TOPAZ1: variants seen among roughly 807,000 people sequenced by gnomAD.
The protein encoded by TOPAZ1 is protein TOPAZ1.
Under a neutral mutation model 172.2 loss-of-function variants are expected in TOPAZ1, and 66 were observed. The ratio of observed to expected loss-of-function variants is 0.38; its 90% CI spans 0.31 to 0.47. The LOEUF (loss-of-function observed/expected upper bound fraction) is 0.47. TOPAZ1 is among the 20% of genes least tolerant of loss of function. TOPAZ1 has a pLI of 0.99. For missense variants in TOPAZ1, 1,822 were observed against 1,972.4 expected, an observed-to-expected ratio of 0.92 and a Z score of 1.44; for synonymous variants, 681 against 683.9, an observed-to-expected ratio of 1.00 and a Z score of 0.07.
In TOPAZ1 at chr3:44,247,861, G is replaced by A. The variant is rs778412245; in HGVS notation, c.2765+2590G>A. 1.4e-4 allele frequency among the ~76,000 whole-genome samples: 21 copies of A among 152,174 alleles called. 1 individual carries two copies. The highest frequency in any genetic ancestry group is 2.9e-5 in the Non-Finnish European group (2 of 68,046). Reference sequence around the variant, plus strand: ...AGACAGGGTTTCACCATGTTGGCCAGGCTGGTCTCCAACTCCTGATGTCAA... The same window carrying A: ...AGACAGGGTTTCACCATGTTGGCCAAGCTGGTCTCCAACTCCTGATGTCAA... On this transcript the variant is annotated intron_variant, in intron 2 of 19. Coordinates refer to ENST00000309765, the MANE Select transcript of TOPAZ1 (RefSeq NM_001145030.2).
chr3:44,244,488 G>A lies in TOPAZ1; in HGVS notation c.1982G>A (p.Arg661Gln), dbSNP rs900864389. ...ANNSAGKTIH[R>Q]KACIAQQTFI... ...AACTCTGCAGGCAAAACTATTCATC[G>A]AAAAGCATGCATTGCTCAACAAACA... Residue 661 changes from arginine to glutamine, a missense_variant, in exon 2 of 20, where the codon CGA becomes CAA. By Grantham distance (43) the Arg-to-Gln change is conservative. Coordinates refer to ENST00000309765, the MANE Select transcript of TOPAZ1 (RefSeq NM_001145030.2). 42 of 1,551,514 alleles carry A rather than the reference G, an allele frequency of 2.7e-5. No individual in the cohort carries two copies. The highest frequency in any genetic ancestry group is 1.7e-4 in the Middle Eastern group (1 of 6,012).
At chr3:44,291,469 C>T (rs181751140) in intron 12 of TOPAZ1, among the ~76,000 whole-genome samples, 13 of 151,846 alleles carry the variant, frequency 8.6e-5, no homozygotes, top group East Asian at 1.9e-4. Context: ...AGCATGGTAG[C>T]GCGTGCCTGT....
chr3:44,312,258 G>A (rs1396405944), intron 16 of TOPAZ1, among the ~76,000 whole-genome samples: 1 of 148,776 alleles, frequency 6.7e-6, no homozygotes, highest in Admixed American at 6.7e-5. Context: ...ACACAGGAAT[G>A]TACAGAGCAG....
chr3:44,249,551 A>C (rs1241448804), intron 2 of TOPAZ1, among the ~76,000 whole-genome samples: 1 of 152,128 alleles, frequency 6.6e-6, no homozygotes, highest in Non-Finnish European at 1.5e-5. Flanking sequence ...TTCCCATAGC[A>C]CCTTATGCTA....
At chr3:44,325,761 A>T (rs1700593616) in intron 18 of TOPAZ1, among the ~76,000 whole-genome samples, 1 of 151,694 alleles carries the variant, frequency 6.6e-6, no homozygotes, top group South Asian at 2.1e-4. Flanking sequence ...CTCCTGCCTC[A>T]GCCTCCTGAG....
Position 44,262,452 on chromosome 3 carries a change from G to A in TOPAZ1, c.2989G>A (p.Glu997Lys). Reference sequence around the variant, plus strand: ...TACAGACAAAGTGATTACCAAAGAAGAAAAAGAAAATATTTATGAAGTTTG... The same window carrying A: ...TACAGACAAAGTGATTACCAAAGAAAAAAAAGAAAATATTTATGAAGTTTG... ...RFTDKVITKE[E>K]KENIYEVCKS... The change falls in exon 5 of 20, where the codon GAA becomes AAA. Residue 997 changes from glutamate (E) to lysine (K), a missense_variant. Transcript: ENST00000309765. The A allele has an allele frequency of 6.7e-7, 1 of 1,485,972 alleles. No individual in the cohort carries two copies. The highest frequency in any genetic ancestry group is 1.2e-5 in the South Asian group (1 of 81,050). 92.0% of individuals were successfully genotyped at this position (1,485,972 alleles called of 1,614,324 possible). A position where few individuals can be genotyped will look rare whatever the true frequency, so the allele number is the denominator to read the frequency against.
At chr3:44,305,373 C>CT in intron 14 of TOPAZ1, 52 bp downstream of exon 14, 1 of 1,430,154 alleles carries the variant, frequency 7.0e-7, no homozygotes, top group South Asian at 1.5e-5. Flanking sequence ...GTGCAGTTTT[C>CT]TTTTTTGTTT....
chr3:44,272,242 A>G (rs944811567), intron 8 of TOPAZ1, among the ~76,000 whole-genome samples: 1 of 152,186 alleles, frequency 6.6e-6, no homozygotes, highest in South Asian at 2.1e-4. Flanking sequence ...ACTGATTTCA[A>G]ATCTTTTGGG....
chr3:44,269,569 T>TA (rs35035443), intron 7 of TOPAZ1, among the ~76,000 whole-genome samples: 82 of 123,410 alleles, frequency 6.6e-4, no homozygotes, highest in Admixed American at 9.9e-4. Flanking sequence ...CACTGCCCCT[T>TA]AAAAAAAAAA....
intron 19 of TOPAZ1, among the ~76,000 whole-genome samples, chr3:44,329,052 G>A (rs946397013): frequency 6.6e-6 from 1 of 152,300 alleles, no homozygotes; most frequent in South Asian, 2.1e-4. Context: ...GATCTCCTGG[G>A]AATCCTGTTT....
At chr3:44,290,170 T>G (rs1162581358) in intron 11 of TOPAZ1, among the ~76,000 whole-genome samples, 2 of 152,204 alleles carry the variant, frequency 1.3e-5, no homozygotes, top group Non-Finnish European at 2.9e-5. Flanking sequence ...GTAGAAGAGC[T>G]GTCAGAAAAG....
intron 12 of TOPAZ1, among the ~76,000 whole-genome samples, chr3:44,297,689 A>G (rs2125696619): frequency 6.6e-6 from 1 of 152,322 alleles, no homozygotes; most frequent in Admixed American, 6.5e-5. Flanking sequence ...GTGAAGAAAT[A>G]AAACTGTCCG....
intron 2 of TOPAZ1, among the ~76,000 whole-genome samples, chr3:44,252,335 A>G (rs1371631219): frequency 1.3e-5 from 2 of 152,176 alleles, no homozygotes; most frequent in African/African-American, 2.4e-5. Context: ...AAATTATTGT[A>G]ATGAGCTCCT....
At chr3:44,296,322 G>A (rs1575725441) in intron 12 of TOPAZ1, among the ~76,000 whole-genome samples, 1 of 151,152 alleles carries the variant, frequency 6.6e-6, no homozygotes, top group South Asian at 2.1e-4. Context: ...ATAAAGCTAA[G>A]AATATGAATC....
downstream of TOPAZ1, among the ~76,000 whole-genome samples, chr3:44,335,133 T>A (rs4682742): frequency 0.47 from 71,106 of 151,814 alleles, 18,446 homozygotes; most frequent in East Asian, 0.81. Flanking sequence ...CAGGGTACAA[T>A]CATCATAACG....
intron 6 of TOPAZ1, 30 bp downstream of exon 6, chr3:44,267,166 T>C (rs1232466093): frequency 6.9e-7 from 1 of 1,455,154 alleles, no homozygotes; most frequent in Non-Finnish European, 9.1e-7. Context: ...TGAAATCCTG[T>C]TGGCTTTTGG....
At chr3:44,321,881 A>G (rs1700540541) in intron 17 of TOPAZ1, among the ~76,000 whole-genome samples, 1 of 152,214 alleles carries the variant, frequency 6.6e-6, no homozygotes, top group African/African-American at 2.4e-5. Context: ...TTCCTGGCCC[A>G]ATGGCTGCTA....
rs376556710 is a variant in TOPAZ1, at chr3:44,271,978, A to G, written c.3372+1168A>G. On this transcript the variant is annotated intron_variant, in intron 8 of 19. Coordinates refer to ENST00000309765, the MANE Select transcript of TOPAZ1 (RefSeq NM_001145030.2). ...TCTGCTTCTTTGAGTTTTAGATTCC[A>G]TATGTAAATGAGAACATATATGGCA... is the stretch of plus-strand genomic sequence containing the variant. Among the ~76,000 whole-genome samples, 6 of 152,258 alleles carry G rather than the reference A, an allele frequency of 3.9e-5. No individual in the cohort carries two copies. In the East Asian group the frequency reaches 1.2e-3, roughly 29 times the overall value.
chr3:44,280,353 T>G (rs1270810021), intron 8 of TOPAZ1, among the ~76,000 whole-genome samples: 2 of 151,388 alleles, frequency 1.3e-5, no homozygotes, highest in African/African-American at 4.9e-5. Context: ...TTTCTTTTTC[T>G]TCTTTTATTT....
Sources: allele counts gnomAD v4.1 joint callset (sites outside exome capture counted in the v4.1 genomes callset), GRCh38; gene constraint gnomAD v4.1.1; transcripts MANE v1.5; gene names NCBI Gene and HGNC (gene_info 2026-07-23, HGNC 2026-07-21).